Variants in EYS observed in about 807,000 individuals in gnomAD.
EYS encodes the protein EGF-like photoreceptor maintenance factor, also known as protein eyes shut homolog.
EYS carries 250 observed loss-of-function variants against 282.1 expected under a neutral mutation model. The observed-to-expected ratio is 0.89, with a 90% CI of 0.80 to 0.98. The LOEUF (loss-of-function observed/expected upper bound fraction) is 0.98, where lower values mean the gene tolerates loss of function less well. Among genes scored for constraint, EYS ranks in the 50% least tolerant of loss-of-function variants. The pLI is 0.00. For synonymous variants in EYS, 1,355 were observed against 1,282.9 expected (o/e 1.06, Z -1.20); for missense variants, 4,016 against 3,709.0 (o/e 1.08, Z -2.15).
chr6:64,167,632 A>G (rs1764333891), intron 31 of EYS, among the ~76,000 whole-genome samples: 1 of 150,750 alleles, frequency 6.6e-6, no homozygotes, highest in Non-Finnish European at 1.5e-5. Flanking sequence ...TCCAAAGGGC[A>G]TACGTACATA....
chr6:64,993,104 A>G (rs1379929234), intron 14 of EYS, among the ~76,000 whole-genome samples: 2 of 151,740 alleles, frequency 1.3e-5, no homozygotes, highest in African/African-American at 4.8e-5. Flanking sequence ...TGTATAGCAA[A>G]GGCTGTTCCC....
intron 30 of EYS, among the ~76,000 whole-genome samples, chr6:64,243,644 G>T (rs1766910469): frequency 1.3e-5 from 2 of 152,196 alleles, no homozygotes; most frequent in Non-Finnish European, 2.9e-5. Context: ...GTGTCCTTGT[G>T]CCTAGAAAAG....
intron 26 of EYS, among the ~76,000 whole-genome samples, chr6:64,558,338 T>C (rs912907962): frequency 1.3e-5 from 2 of 152,124 alleles, no homozygotes; most frequent in Admixed American, 1.3e-4. Context: ...ACATTGTTCA[T>C]TGGCATAATT....
intron 35 of EYS, among the ~76,000 whole-genome samples, chr6:63,923,364 A>C (rs1429592892): frequency 6.6e-6 from 1 of 152,202 alleles, no homozygotes; most frequent in Non-Finnish European, 1.5e-5. Context: ...GAGTAAGTTA[A>C]CGTGTAAAAG....
In EYS at chr6:63,733,634, A is replaced by G. The variant is rs184071749; in HGVS notation, c.8072-6954T>C. Among the ~76,000 whole-genome samples the G allele has an allele frequency of 1.8e-3, 272 of 152,344 alleles. 4 individuals carry two copies. The highest frequency in any genetic ancestry group is 6.2e-3 in the African/African-American group (256 of 41,582). On this transcript the variant is annotated intron_variant, in intron 41 of 42. Coordinates refer to ENST00000503581, the MANE Select transcript of EYS (RefSeq NM_001142800.2). ...ATTTTCAATGATGCTAGTAAGAGAC[A>G]TGAAACTCCAGAGACAAAGGAAAGT...
intron 33 of EYS, among the ~76,000 whole-genome samples, chr6:64,056,822 T>C (rs1771002108): frequency 6.6e-6 from 1 of 152,192 alleles, no homozygotes; most frequent in African/African-American, 2.4e-5. Flanking sequence ...CACTGGGTAC[T>C]GTGAACATAA....
intron 14 of EYS, among the ~76,000 whole-genome samples, chr6:64,965,629 T>A (rs1770069208): frequency 6.6e-6 from 1 of 152,094 alleles, no homozygotes; most frequent in Non-Finnish European, 1.5e-5. Flanking sequence ...TTATACTTTT[T>A]ATATAGCATC....
chr6:64,683,589 A>G (rs1249111502), intron 22 of EYS, among the ~76,000 whole-genome samples: 1 of 152,200 alleles, frequency 6.6e-6, no homozygotes, highest in African/African-American at 2.4e-5. Flanking sequence ...TGAAAATAAA[A>G]TGGAGTCTAG....
intron 26 of EYS, among the ~76,000 whole-genome samples, chr6:64,568,299 G>A (rs1765621996): frequency 1.3e-5 from 2 of 152,142 alleles, no homozygotes; most frequent in African/African-American, 4.8e-5. Flanking sequence ...GGACAAGAAG[G>A]CCTAGGAAAC....
At chr6:64,848,413 A>G (rs1410954889) in intron 19 of EYS, among the ~76,000 whole-genome samples, 3 of 152,122 alleles carry the variant, frequency 2.0e-5, no homozygotes, top group African/African-American at 7.2e-5. Context: ...AATTTGAAAA[A>G]ATGCATATGA....
At chr6:65,384,605 G>A in intron 7 of EYS, 105 bp from the exon 8 acceptor site, 1 of 653,136 alleles carries the variant, frequency 1.5e-6, no homozygotes, top group Non-Finnish European at 2.7e-6. Flanking sequence ...AAATTATATG[G>A]TATTATTAAT....
intron 29 of EYS, among the ~76,000 whole-genome samples, chr6:64,346,409 G>A (rs907934275): frequency 2.6e-5 from 4 of 151,896 alleles, no homozygotes; most frequent in Non-Finnish European, 5.9e-5. Context: ...GTAGGGACAT[G>A]GATGAAGCTG....
chr6:64,465,130 C>T (rs1021453169), intron 26 of EYS, among the ~76,000 whole-genome samples: 4 of 151,734 alleles, frequency 2.6e-5, no homozygotes, highest in Admixed American at 6.6e-5. Context: ...ATAAAGAAAA[C>T]GATATCCTTT....
At chr6:64,704,282 T>A (rs1770896200) in intron 22 of EYS, among the ~76,000 whole-genome samples, 1 of 148,506 alleles carries the variant, frequency 6.7e-6, no homozygotes, top group Non-Finnish European at 1.5e-5. Context: ...AGTATTCTAA[T>A]ATAAATGTAA....
chr6:65,595,146 A>T (rs532286018), intron 2 of EYS, among the ~76,000 whole-genome samples: 19 of 152,202 alleles, frequency 1.2e-4, no homozygotes, highest in African/African-American at 4.6e-4. Flanking sequence ...CCATAAAAAA[A>T]CGATGAGTTC....
intron 10 of EYS, among the ~76,000 whole-genome samples, chr6:65,341,089 A>G (rs1273632391): frequency 6.6e-6 from 1 of 151,222 alleles, no homozygotes; most frequent in Non-Finnish European, 1.5e-5. Flanking sequence ...AGGTGAGTCT[A>G]TAAGAGGAAG....
chr6:63,742,395 G>A (rs1321046421), intron 41 of EYS, among the ~76,000 whole-genome samples: 4 of 152,096 alleles, frequency 2.6e-5, no homozygotes, highest in Admixed American at 2.0e-4. Flanking sequence ...TGTCACTCCA[G>A]GGACATAGGT....
At chr6:64,364,306 T>C (rs564722134) in intron 29 of EYS, among the ~76,000 whole-genome samples, 16 of 152,068 alleles carry the variant, frequency 1.1e-4, no homozygotes, top group Non-Finnish European at 1.9e-4. Flanking sequence ...CTCTTAGTTT[T>C]CTATAATATA....
At chr6:63,802,905 T>A (rs1770815414) in intron 37 of EYS, among the ~76,000 whole-genome samples, 2 of 152,216 alleles carry the variant, frequency 1.3e-5, no homozygotes, top group Non-Finnish European at 2.9e-5. Context: ...TATTTAACCA[T>A]GCAATAAACC....
Sources: gnomAD v4.1 joint callset for allele counts (sites outside exome capture counted in the v4.1 genomes callset) on GRCh38, gnomAD v4.1.1 for gene constraint, MANE v1.5 for transcripts, NCBI Gene and HGNC (gene_info 2026-07-23, HGNC 2026-07-21) for gene names.